Variants in SLC30A9 observed in about 807,000 individuals in gnomAD.
The protein encoded by SLC30A9 is proton-coupled zinc antiporter SLC30A9, mitochondrial.
Under a neutral mutation model 87.5 loss-of-function variants are expected in SLC30A9, and 58 were observed. The observed-to-expected ratio is 0.66, with a 90% CI of 0.54 to 0.82. SLC30A9 has a LOEUF of 0.82. SLC30A9 is among the 40% of genes least tolerant of loss of function. The pLI is 0.00. For missense variants in SLC30A9, 557 were observed against 679.1 expected (o/e 0.82, Z 2.00); for synonymous variants, 234 against 233.0 (o/e 1.00, Z -0.04).
intron 9 of SLC30A9, among the ~76,000 whole-genome samples, chr4:42,050,433 T>C (rs564713859): frequency 1.2e-4 from 19 of 152,314 alleles, no homozygotes; most frequent in African/African-American, 3.8e-4. Flanking sequence ...TCGAGGAAAG[T>C]TGAAATACAG....
intron 2 of SLC30A9, among the ~76,000 whole-genome samples, chr4:42,015,847 ATTC>A (rs1018223805): frequency 6.6e-6 from 1 of 152,002 alleles, no homozygotes; most frequent in Non-Finnish European, 1.5e-5. Context: ...TCTAGTATCT[ATTC>A]TTTTTTTTAC....
intron 17 of SLC30A9, chr4:42,078,969 TA>T (rs1400039793): frequency 6.6e-6 from 1 of 152,168 alleles, no homozygotes; most frequent in Non-Finnish European, 1.5e-5. Flanking sequence ...TTTAATTTTG[TA>T]AAAAATTGAA....
At chr4:42,075,556 C>A in intron 15 of SLC30A9, 101 bp from the exon 16 acceptor site, 1 of 1,054,574 alleles carries the variant, frequency 9.5e-7, no homozygotes, top group Non-Finnish European at 1.4e-6. Flanking sequence ...ATTCTCGTAA[C>A]TAGTGGGGAA....
At chr4:42,050,343 A>G (rs1717334969) in intron 9 of SLC30A9, among the ~76,000 whole-genome samples, 1 of 152,150 alleles carries the variant, frequency 6.6e-6, no homozygotes, top group African/African-American at 2.4e-5. Context: ...AAATTTTACC[A>G]TTCAACTGTG....
intron 7 of SLC30A9, among the ~76,000 whole-genome samples, chr4:42,037,536 CT>C (rs1226747271): frequency 6.6e-6 from 1 of 152,002 alleles, no homozygotes; most frequent in African/African-American, 2.4e-5. Context: ...ATAGTATCAC[CT>C]TGAAATGCAC....
intron 1 of SLC30A9, among the ~76,000 whole-genome samples, chr4:41,992,283 G>A (rs2153131726): frequency 6.6e-6 from 1 of 151,930 alleles, no homozygotes; most frequent in Admixed American, 6.6e-5. Context: ...TGAGGCTGCA[G>A]TGAGCCTTGA....
At chr4:42,005,771 A>G (rs907675986) in intron 2 of SLC30A9, among the ~76,000 whole-genome samples, 12 of 152,224 alleles carry the variant, frequency 7.9e-5, no homozygotes, top group African/African-American at 2.2e-4. Context: ...TGCTTGGGGT[A>G]CAATAAAAGG....
intron 1 of SLC30A9, among the ~76,000 whole-genome samples, chr4:41,998,805 A>G (rs755178267): frequency 2.0e-5 from 3 of 152,064 alleles, no homozygotes; most frequent in African/African-American, 4.8e-5. Flanking sequence ...TTCTATTGCT[A>G]TGTGTTAGGT....
At chr4:42,020,568 C>A in intron 4 of SLC30A9, 53 bp downstream of exon 4, 2 of 1,012,908 alleles carry the variant, frequency 2.0e-6, no homozygotes, top group South Asian at 1.4e-5. Context: ...ATCTAAATAA[C>A]TATTCCTTTC....
chr4:42,014,065 CAAAATATCT>C (rs993144996), intron 2 of SLC30A9, among the ~76,000 whole-genome samples: 1 of 151,918 alleles, frequency 6.6e-6, no homozygotes, highest in African/African-American at 2.4e-5. Context: ...AAAATGTGGA[CAAAATATCT>C]CAAGAGACGT....
chr4:42,050,706 C>T, intron 9 of SLC30A9, among the ~76,000 whole-genome samples: 1 of 152,134 alleles, frequency 6.6e-6, no homozygotes, highest in East Asian at 1.9e-4. Context: ...AATCTTTTGC[C>T]ATAGACAACT....
chr4:42,015,115 C>G (rs528048705), intron 2 of SLC30A9, among the ~76,000 whole-genome samples: 21 of 152,216 alleles, frequency 1.4e-4, no homozygotes, highest in Non-Finnish European at 2.8e-4. Flanking sequence ...TCCATTTACC[C>G]TGATATGATT....
chr4:42,051,039 G>A (rs760214294), intron 9 of SLC30A9, among the ~76,000 whole-genome samples: 1 of 152,170 alleles, frequency 6.6e-6, no homozygotes, highest in Non-Finnish European at 1.5e-5. Context: ...TAAGATGTGA[G>A]CATCAATCTG....
intron 4 of SLC30A9, among the ~76,000 whole-genome samples, chr4:42,022,182 A>G (rs1715990844): frequency 6.7e-6 from 1 of 148,422 alleles, no homozygotes; most frequent in South Asian, 2.1e-4. Context: ...TGATCCACCC[A>G]CCTCAGCCTC....
Position 42,087,243 on chromosome 4 carries a change from G to A in SLC30A9, c.*1117G>A, listed in dbSNP as rs575907725. 6.6e-6 allele frequency: 1 copy of A among 151,834 alleles called. No homozygotes were observed. Among genetic ancestry groups the A allele is most frequent in the East Asian group, 1.9e-4 (1 of 5,182 alleles). The allele number at this position is 151,834 out of a possible 1,614,324, so 9.4% of individuals were successfully genotyped here. ...CTACTGACCCTAAGTTATCAAGGTG[G>A]AAAAAAAACATGCAATTCAGTAATT... On this transcript the variant is annotated 3_prime_UTR_variant, in exon 18 of 18. Coordinates refer to ENST00000264451, the MANE Select transcript of SLC30A9 (RefSeq NM_006345.4).
chr4:42,015,571 C>T (rs1300975478), intron 2 of SLC30A9, among the ~76,000 whole-genome samples: 1 of 152,144 alleles, frequency 6.6e-6, no homozygotes, highest in East Asian at 1.9e-4. Flanking sequence ...TATTCTGGAT[C>T]CCCTACTACC....
Position 42,066,373 on chromosome 4 carries a change from A to G in SLC30A9, c.1073-177A>G, listed in dbSNP as rs78576669. Reference sequence around the variant, plus strand: ...TATTTAATTATTATGGTTTAGAACTATGGGGTTCATTTTATTATAATGATT... The same window carrying G: ...TATTTAATTATTATGGTTTAGAACTGTGGGGTTCATTTTATTATAATGATT... On this transcript the variant is annotated intron_variant, in intron 12 of 17. Coordinates refer to ENST00000264451, the MANE Select transcript of SLC30A9 (RefSeq NM_006345.4). 2.8e-3 allele frequency among the ~76,000 whole-genome samples: 431 copies of G among 152,334 alleles called. 2 individuals are homozygous for G. The highest frequency in any genetic ancestry group is 0.02 in the Middle Eastern group (6 of 294).
intron 8 of SLC30A9, among the ~76,000 whole-genome samples, chr4:42,042,491 G>T (rs1263174182): frequency 6.6e-6 from 1 of 152,192 alleles, no homozygotes. Context: ...CCGTAGCTCA[G>T]CAAAGCCACT....
intron 3 of SLC30A9, among the ~76,000 whole-genome samples, chr4:42,019,577 A>G (rs1381854628): frequency 5.3e-5 from 8 of 152,162 alleles, no homozygotes; most frequent in Non-Finnish European, 1.0e-4. Flanking sequence ...GAAATGGTCT[A>G]GTGGCTTTAA....
Sources: allele counts gnomAD v4.1 joint callset (sites outside exome capture counted in the v4.1 genomes callset), GRCh38; gene constraint gnomAD v4.1.1; transcripts MANE v1.5; gene names NCBI Gene and HGNC (gene_info 2026-07-23, HGNC 2026-07-21).